ZPBP: variants seen among roughly 807,000 people sequenced by gnomAD.
ZPBP encodes the protein zona pellucida binding protein, also known as zona pellucida-binding protein 1.
Under a neutral mutation model 44.8 loss-of-function variants are expected in ZPBP, and 26 were observed. The observed-to-expected ratio is 0.58, with a 90% CI of 0.43 to 0.81. The LOEUF is 0.81. ZPBP is among the 30% of genes least tolerant of loss of function. The pLI is 0.00. For missense variants in ZPBP, 409 were observed against 434.0 expected (o/e 0.94, Z 0.51); for synonymous variants, 174 against 153.2 (o/e 1.14, Z -1.00).
chr7:49,896,396 A>T (rs747939806), intron 2 of ZPBP, among the ~76,000 whole-genome samples: 2 of 152,228 alleles, frequency 1.3e-5, no homozygotes, highest in Non-Finnish European at 2.9e-5. Context: ...AAGCAGTGCT[A>T]AAAGGAAAAC....
chr7:50,025,050 C>T (rs915317111), intron 5 of ZPBP, among the ~76,000 whole-genome samples: 20 of 151,648 alleles, frequency 1.3e-4, no homozygotes, highest in Admixed American at 4.6e-4. Context: ...CAATGAAATG[C>T]CATTACACTA....
intron 3 of ZPBP, among the ~76,000 whole-genome samples, chr7:50,076,239 A>C (rs1487141585): frequency 7.3e-5 from 11 of 151,570 alleles, no homozygotes; most frequent in African/African-American, 4.8e-5. Flanking sequence ...ATAAGAACCC[A>C]AAAAAAACTG....
chr7:50,059,884 C>T (rs887904674), intron 3 of ZPBP, among the ~76,000 whole-genome samples: 9 of 151,900 alleles, frequency 5.9e-5, no homozygotes, highest in Non-Finnish European at 1.2e-4. Context: ...GGGCTCAGAG[C>T]CAAGATAGCC....
In ZPBP at chr7:50,083,816, G is replaced by A. The variant is rs542330322; in HGVS notation, c.209-1917C>T. On this transcript the variant is annotated intron_variant, in intron 2 of 7. Coordinates refer to ENST00000046087, the MANE Select transcript of ZPBP (RefSeq NM_007009.3). ...TAAACTTAGATTTATACCTCTTACC[G>A]TATATAAAAATAAATTCCAGGTACA... 4.9e-4 allele frequency among the ~76,000 whole-genome samples: 75 copies of A among 151,946 alleles called. 1 individual carries two copies. The highest frequency in any genetic ancestry group is 1.8e-3 in the African/African-American group (73 of 41,476).
At chr7:49,965,249 A>G (rs976118745) in intron 7 of ZPBP, among the ~76,000 whole-genome samples, 20 of 152,134 alleles carry the variant, frequency 1.3e-4, no homozygotes, top group Non-Finnish European at 2.9e-4. Context: ...AATGATAAAG[A>G]TAAAACCTTA....
chr7:49,973,980 T>C (rs1408812994), intron 7 of ZPBP, among the ~76,000 whole-genome samples: 1 of 152,156 alleles, frequency 6.6e-6, no homozygotes, highest in African/African-American at 2.4e-5. Flanking sequence ...AATTTAGTTC[T>C]CATACAGGCT....
chr7:49,980,130 A>T (rs1030974030), intron 7 of ZPBP, among the ~76,000 whole-genome samples: 33 of 106,536 alleles, frequency 3.1e-4, no homozygotes, highest in African/African-American at 1.0e-3. Flanking sequence ...TATTATAATT[A>T]TATATTATAT....
chr7:50,089,534 G>T, intron 2 of ZPBP, 95 bp downstream of exon 2: 1 of 942,394 alleles, frequency 1.1e-6, no homozygotes, highest in South Asian at 1.5e-5. Flanking sequence ...AGGAGACTAG[G>T]ATAAATGAAG....
At position 49,861,931 on chromosome 7, in the gene ZPBP, C is replaced by T. The variant is rs574159649; in HGVS notation, n.510-11417G>A. Among the ~76,000 whole-genome samples, 16 of 152,216 alleles carry T rather than the reference C, an allele frequency of 1.1e-4. No individual in the cohort carries two copies. In the South Asian group the frequency reaches 3.3e-3, roughly 32 times the overall value. ...AAATTGGGAATTGTGTGTATTTTGA[C>T]TTTTTTAAAGATTATTATGGTTATC... On this transcript the variant is annotated intron_variant and non_coding_transcript_variant, in intron 2 of 2. Transcript: ENST00000465922.
At chr7:49,956,370 T>C (rs1458658342) in intron 7 of ZPBP, among the ~76,000 whole-genome samples, 1 of 152,096 alleles carries the variant, frequency 6.6e-6, no homozygotes, top group Non-Finnish European at 1.5e-5. Context: ...AATTTCTAAA[T>C]ATCAATGCCC....
At position 49,911,417 on chromosome 7, in the gene ZPBP, G is replaced by T. The variant is rs957222557; in HGVS notation, n.412-10202C>A. 2.0e-5 allele frequency among the ~76,000 whole-genome samples: 3 copies of T among 147,206 alleles called. No individual in the cohort carries two copies. In the Admixed American group the frequency reaches 2.1e-4, roughly 10 times the overall value. On this transcript the variant is annotated intron_variant and non_coding_transcript_variant, in intron 1 of 2. Coordinates refer to the ZPBP transcript ENST00000465922. The stretch of plus-strand genomic sequence containing the variant: ...GAATCGCTTGAACCCCGGAGGCAGA[G>T]GTTGCAGTGAGCCGAGATCGTGCCA...
intron 1 of ZPBP, among the ~76,000 whole-genome samples, chr7:49,905,687 C>A (rs1463166456): frequency 6.6e-6 from 1 of 152,090 alleles, no homozygotes; most frequent in Non-Finnish European, 1.5e-5. Context: ...TGAATAGGGG[C>A]TGGGTAAAAT....
Position 49,982,842 on chromosome 7 carries a change from T to C in ZPBP, c.961+500A>G, listed in dbSNP as rs145624966. 1.7e-3 allele frequency among the ~76,000 whole-genome samples: 264 copies of C among 152,016 alleles called. 3 individuals carry two copies. Among genetic ancestry groups the C allele is most frequent in the African/African-American group, 6.0e-3 (247 of 41,512 alleles). ...CAACAGCCTCTACAGAACTCTCTTC[T>C]ATAGTAAAGATGAAAAAGAAAGAAT... On this transcript the variant is annotated intron_variant, in intron 7 of 7. Coordinates refer to ENST00000046087, the MANE Select transcript of ZPBP (RefSeq NM_007009.3).
chr7:49,967,996 A>G (rs1796132241), intron 7 of ZPBP, among the ~76,000 whole-genome samples: 1 of 152,166 alleles, frequency 6.6e-6, no homozygotes, highest in Non-Finnish European at 1.5e-5. Flanking sequence ...TAACCAAAAC[A>G]GTATACTATA....
intron 2 of ZPBP, among the ~76,000 whole-genome samples, chr7:49,886,605 T>C (rs2128728909): frequency 6.6e-6 from 1 of 152,368 alleles, no homozygotes; most frequent in East Asian, 1.9e-4. Flanking sequence ...GTAGTATTTT[T>C]TTTACTTTTA....
At chr7:49,867,228 C>CA (rs1379188685) in intron 2 of ZPBP, among the ~76,000 whole-genome samples, 2 of 152,176 alleles carry the variant, frequency 1.3e-5, no homozygotes, top group African/African-American at 4.8e-5. Flanking sequence ...TATCCCTTAA[C>CA]AATGCCATAG....
intron 6 of ZPBP, among the ~76,000 whole-genome samples, chr7:49,986,996 T>C (rs1186621488): frequency 6.6e-6 from 1 of 152,174 alleles, no homozygotes; most frequent in Non-Finnish European, 1.5e-5. Flanking sequence ...GCAGTGCTTT[T>C]AGCCTCCAAC....
chr7:49,892,459 G>T (rs1792184016), intron 2 of ZPBP, among the ~76,000 whole-genome samples: 1 of 152,190 alleles, frequency 6.6e-6, no homozygotes, highest in African/African-American at 2.4e-5. Flanking sequence ...AAGAAGTCCT[G>T]CTATACAGGG....
At chr7:49,959,953 A>G (rs1016545743) in intron 7 of ZPBP, among the ~76,000 whole-genome samples, 3 of 152,228 alleles carry the variant, frequency 2.0e-5, no homozygotes, top group African/African-American at 7.2e-5. Flanking sequence ...TTTTTGCCAG[A>G]GGCAACATGG....
Sources: allele counts gnomAD v4.1 joint callset (sites outside exome capture counted in the v4.1 genomes callset), GRCh38; gene constraint gnomAD v4.1.1; transcripts MANE v1.5; gene names NCBI Gene and HGNC (gene_info 2026-07-23, HGNC 2026-07-21).